The following FAIM2 variants were observed in gnomAD, a reference collection of about 807,000 sequenced individuals.
FAIM2 encodes the protein Fas apoptotic inhibitory molecule 2.
Under a neutral mutation model 47.4 loss-of-function variants are expected in FAIM2, and 27 were observed. The ratio of observed to expected loss-of-function variants is 0.57; its 90% CI spans 0.42 to 0.78. The LOEUF (loss-of-function observed/expected upper bound fraction) is 0.78, where lower values mean the gene tolerates loss of function less well. FAIM2 is among the 30% of genes least tolerant of loss of function. The pLI is 0.00. For missense variants in FAIM2, 311 were observed against 389.4 expected (o/e 0.80, Z 1.69); for synonymous variants, 156 against 159.3 (o/e 0.98, Z 0.16).
At chr12:49,875,968 T>C (rs149862541) in intron 11 of FAIM2, among the ~76,000 whole-genome samples, 1 of 152,084 alleles carries the variant, frequency 6.6e-6, no homozygotes, top group Non-Finnish European at 1.5e-5. Context: ...AGAGTGAGAC[T>C]CCATCTCAAA....
chr12:49,897,511 C>G lies in FAIM2; in HGVS notation c.380+8G>C. 1 of 1,613,806 alleles carries G rather than the reference C, an allele frequency of 6.2e-7. No individual in the cohort carries two copies. The highest frequency in any genetic ancestry group is 8.5e-7 in the Non-Finnish European group (1 of 1,179,694). ...CCTGGAAGGTGCTGGTCCATGCTGC[C>G]AACTCACCAGAAAGTAAAGAGAGCC... On this transcript the variant is annotated splice_region_variant and intron_variant, in intron 4 of 11. Transcript: ENST00000320634.
At position 49,870,467 on chromosome 12, in the gene FAIM2, C is replaced by T. The variant is rs758057248; in HGVS notation, c.*37G>A. ...GGGAGGGACAGGGAACCAGGAGGGG[C>T]GCATTCTCTGGAGGACGGTGGGGCA... On this transcript the variant is annotated 3_prime_UTR_variant, in exon 12 of 12. Transcript: ENST00000320634. 2.3e-5 allele frequency: 37 copies of T among 1,597,072 alleles called. No homozygotes were observed. Among genetic ancestry groups the T allele is most frequent in the Non-Finnish European group, 2.7e-5 (31 of 1,167,794 alleles).
In FAIM2 at chr12:49,868,450, A is replaced by G. The variant is rs1230582184; in HGVS notation, c.*2054T>C. 6.6e-6 allele frequency: 1 copy of G among 152,232 alleles called. No homozygotes were observed. Among genetic ancestry groups the G allele is most frequent in the Non-Finnish European group, 1.5e-5 (1 of 68,060 alleles). 9.4% of individuals were successfully genotyped at this position (152,232 alleles called of 1,614,324 possible). The stretch of plus-strand genomic sequence containing the variant: ...TTGCCTCCCAGCTCTTGTCTGGAAG[A>G]TAGAAACCTCAGAGTGCAAAATCTG... On this transcript the variant is annotated 3_prime_UTR_variant, in exon 12 of 12. Transcript: ENST00000320634.
At chr12:49,896,932 A>G in intron 5 of FAIM2, 99 bp downstream of exon 5, 3 of 954,772 alleles carry the variant, frequency 3.1e-6, no homozygotes, top group Non-Finnish European at 5.1e-6. Flanking sequence ...GGGCTGGGGG[A>G]AGCTACGGGC....
intron 11 of FAIM2, among the ~76,000 whole-genome samples, chr12:49,885,907 C>A (rs1241325226): frequency 6.6e-6 from 1 of 152,118 alleles, no homozygotes; most frequent in South Asian, 2.1e-4. Context: ...TAAAGACCTG[C>A]GGAGAGGACG....
At chr12:49,871,485 C>T (rs1018649308) in intron 11 of FAIM2, among the ~76,000 whole-genome samples, 1 of 152,070 alleles carries the variant, frequency 6.6e-6, no homozygotes, top group East Asian at 1.9e-4. Flanking sequence ...TGGCTCCTAC[C>T]CTTTGCCATG....
chr12:49,884,999 G>A (rs1419866920), intron 11 of FAIM2, among the ~76,000 whole-genome samples: 1 of 152,146 alleles, frequency 6.6e-6, no homozygotes, highest in Non-Finnish European at 1.5e-5. Context: ...GTGCCAGCCC[G>A]TTAACACCCA....
chr12:49,891,610 CCACTGCCCCA>C (rs1231958871), intron 5 of FAIM2, among the ~76,000 whole-genome samples: 29 of 152,050 alleles, frequency 1.9e-4, no homozygotes, highest in South Asian at 6.2e-4. Flanking sequence ...CTGCTCATAA[CCACTGCCCCA>C]CACTGCCCCA....
intron 2 of FAIM2, 93 bp from the exon 3 acceptor site, chr12:49,898,183 A>C: frequency 1.5e-6 from 1 of 658,800 alleles, no homozygotes; most frequent in Non-Finnish European, 2.4e-6. Context: ...CCTTTTTGTC[A>C]ACCTGGCTCT....
chr12:49,879,058 ATG>A (rs1946774743), intron 11 of FAIM2, among the ~76,000 whole-genome samples: 1 of 129,976 alleles, frequency 7.7e-6, no homozygotes, highest in Non-Finnish European at 1.6e-5. Context: ...GTGTATGTGC[ATG>A]TATGTATATG....
chr12:49,901,432 T>C, intron 1 of FAIM2, 107 bp from the exon 2 acceptor site: 1 of 837,392 alleles, frequency 1.2e-6, no homozygotes, highest in South Asian at 2.0e-5. Context: ...GTTCCTTCCT[T>C]ACCTGCACTT....
At chr12:49,881,797 G>T (rs2137091265) in intron 11 of FAIM2, among the ~76,000 whole-genome samples, 1 of 152,264 alleles carries the variant, frequency 6.6e-6, no homozygotes, top group Middle Eastern at 3.4e-3. Context: ...AAAACCCAAG[G>T]CTCCCTGAGA....
chr12:49,878,700 A>G (rs1324813545), intron 11 of FAIM2, among the ~76,000 whole-genome samples: 2 of 108,376 alleles, frequency 1.8e-5, no homozygotes, highest in Non-Finnish European at 3.4e-5. Flanking sequence ...GTGTATGTGC[A>G]TGTGTGCATA....
rs1159970474 is a variant in FAIM2 at position 49,878,996 on chromosome 12, CTG to C, written c.802-8345_802-8344del. ...TGTATATGTATGCATATGAGTGTATCTGTGTATGTGCATGTGTGTATGTGTAT... is the reference window on the plus strand; with the variant it reads ...TGTATATGTATGCATATGAGTGTATCTGTATGTGCATGTGTGTATGTGTAT... On this transcript the variant is annotated intron_variant, in intron 11 of 11. Transcript: ENST00000320634. 7.9e-4 allele frequency among the ~76,000 whole-genome samples: 95 copies of C among 119,590 alleles called. 17 individuals carry two copies. The highest frequency in any genetic ancestry group is 2.4e-3 in the African/African-American group (71 of 29,996). 78.5% of individuals were successfully genotyped at this position (119,590 alleles called of 152,430 possible). A position where few individuals can be genotyped will look rare whatever the true frequency, so the allele number is the denominator to read the frequency against.
chr12:49,872,678 G>A (rs1354553130), intron 11 of FAIM2, among the ~76,000 whole-genome samples: 2 of 152,216 alleles, frequency 1.3e-5, no homozygotes, highest in African/African-American at 2.4e-5. Flanking sequence ...ACCGTCAAAG[G>A]TGAGGAGGTG....
chr12:49,879,252 ATGTG>A lies in FAIM2; in HGVS notation c.801+8130_801+8133del, dbSNP rs1215732241. Among the ~76,000 whole-genome samples the A allele has an allele frequency of 1.2e-4, 13 of 112,424 alleles. 2 individuals are homozygous for A. The highest frequency in any genetic ancestry group is 2.1e-4 in the Admixed American group (2 of 9,338). 73.8% of individuals were successfully genotyped at this position (112,424 alleles called of 152,430 possible). On this transcript the variant is annotated intron_variant, in intron 11 of 11. Transcript: ENST00000320634. ...TGTATGTATGCATGCATGTGTGTGCATGTGTGTATGTGTGCATGTGTATATGTGT... is the reference window on the plus strand; with the variant it reads ...TGTATGTATGCATGCATGTGTGTGCATGTATGTGTGCATGTGTATATGTGT...
In FAIM2 at chr12:49,891,127, G is replaced by A; in HGVS notation, c.435-13C>T. On this transcript the variant is annotated splice_polypyrimidine_tract_variant and intron_variant, in intron 5 of 11. Transcript: ENST00000320634. ...AAAGAACACAGCACTGTGAGAGACA[G>A]ATGGATAGGTGAGTCAGCCAGCCTC... 6.2e-7 allele frequency: 1 copy of A among 1,613,934 alleles called. No individual in the cohort carries two copies. The highest frequency in any genetic ancestry group is 1.1e-5 in the South Asian group (1 of 91,084).
intron 11 of FAIM2, among the ~76,000 whole-genome samples, chr12:49,882,471 C>T (rs752661544): frequency 6.6e-5 from 10 of 152,184 alleles, no homozygotes; most frequent in Non-Finnish European, 1.5e-4. Context: ...CATCAACATT[C>T]CCCTGCCCCA....
chr12:49,887,061 G>A lies in FAIM2; in HGVS notation c.801+325C>T, dbSNP rs147608359. ...ACTACTAACTTGGTCCACATGGCCA[G>A]GATACCCCCACTCTCTCGCCCCCGC... On this transcript the variant is annotated intron_variant, in intron 11 of 11. Transcript: ENST00000320634. Among the ~76,000 whole-genome samples, 607 of 152,144 alleles carry A rather than the reference G, an allele frequency of 4.0e-3. 4 individuals are homozygous for A. Among genetic ancestry groups the A allele is most frequent in the African/African-American group, 0.014 (593 of 41,502 alleles).
Sources: allele counts gnomAD v4.1 joint callset (sites outside exome capture counted in the v4.1 genomes callset), GRCh38; gene constraint gnomAD v4.1.1; transcripts MANE v1.5; gene names NCBI Gene and HGNC (gene_info 2026-07-23, HGNC 2026-07-21).